The following IFFO2 variants were observed in gnomAD, a reference collection of about 807,000 sequenced individuals.
IFFO2 encodes the protein intermediate filament family orphan 2.
A neutral mutation model predicts 53.5 loss-of-function variants in IFFO2; 19 were observed. The ratio of observed to expected loss-of-function variants is 0.36; its 90% CI spans 0.25 to 0.52. The LOEUF (loss-of-function observed/expected upper bound fraction) is 0.52, where lower values mean the gene tolerates loss of function less well. IFFO2 is among the 20% of genes least tolerant of loss of function. The pLI is 0.94. For synonymous variants in IFFO2, 303 were observed against 313.6 expected (o/e 0.97, Z 0.36); for missense variants, 570 against 727.4 (o/e 0.78, Z 2.49).
chr1:18,941,883 A>T (rs750837359), intron 1 of IFFO2, among the ~76,000 whole-genome samples: 1 of 152,076 alleles, frequency 6.6e-6, no homozygotes, highest in Non-Finnish European at 1.5e-5. Context: ...ACATTCCATC[A>T]GGCCCTCCTA....
rs756160453 is a variant in IFFO2 at position 18,921,042 on chromosome 1, G to A, written c.726+19C>T. On this transcript the variant is annotated intron_variant, in intron 2 of 8. Coordinates refer to ENST00000455833, the MANE Select transcript of IFFO2 (RefSeq NM_001136265.2). ...TCTCTGGCGTGCCTCTCCTGGTCGG[G>A]ATATCGGAGGGCTCTTACCTCCTGC... 6.4e-7 allele frequency: 1 copy of A among 1,551,006 alleles called. No homozygotes were observed. The highest frequency in any genetic ancestry group is 1.2e-5 in the South Asian group (1 of 84,052).
rs950838051 is a variant in IFFO2 at position 18,916,144 on chromosome 1, A to G, written c.1103+759T>C. 1.3e-5 allele frequency among the ~76,000 whole-genome samples: 2 copies of G among 152,066 alleles called. No homozygotes were observed. Among genetic ancestry groups the G allele is most frequent in the Non-Finnish European group, 2.9e-5 (2 of 67,996 alleles). On this transcript the variant is annotated intron_variant, in intron 5 of 8. Transcript: ENST00000455833. This position sits in a 1 kb window ranked among gnomAD's most constrained non-coding sequence, Gnocchi z 4.3. Reference sequence around the variant, plus strand: ...TCTCAAAAAAAAAAATAGCCTACAAATAAGACCACATCTGCCATTGCCCCT... The same window carrying G: ...TCTCAAAAAAAAAAATAGCCTACAAGTAAGACCACATCTGCCATTGCCCCT...
At chr1:18,911,689 C>G (rs979807495) in intron 6 of IFFO2, among the ~76,000 whole-genome samples, 4 of 152,106 alleles carry the variant, frequency 2.6e-5, no homozygotes, top group African/African-American at 7.2e-5. Context: ...CAGGTGCCCA[C>G]CACCAGGCCT....
rs191204462 is a variant in IFFO2 at position 18,952,466 on chromosome 1, C to A, written c.665+3202G>T. On this transcript the variant is annotated intron_variant, in intron 1 of 8. Coordinates refer to ENST00000455833, the MANE Select transcript of IFFO2 (RefSeq NM_001136265.2). ...TTTTAAATTTAAAATACATTGAATACCTGGGTGGATTCATAAACACAATAT... is the reference window on the plus strand; with the variant it reads ...TTTTAAATTTAAAATACATTGAATAACTGGGTGGATTCATAAACACAATAT... Among the ~76,000 whole-genome samples the A allele has an allele frequency of 1.1e-3, 164 of 152,234 alleles. 1 individual carries two copies. Among genetic ancestry groups the A allele is most frequent in the African/African-American group, 3.9e-3 (160 of 41,518 alleles).
chr1:18,925,996 ATGGAT>A (rs1557643248), intron 1 of IFFO2, among the ~76,000 whole-genome samples: 74 of 84,720 alleles, frequency 8.7e-4, no homozygotes, highest in African/African-American at 3.9e-3. Context: ...GGATGGATGG[ATGGAT>A]TGGTTGGATG....
In IFFO2 at chr1:18,947,330, G is replaced by GC. The variant is rs1243941907; in HGVS notation, c.665+8337_665+8338insG. Among the ~76,000 whole-genome samples, 24 of 152,336 alleles carry GC rather than the reference G, an allele frequency of 1.6e-4. No individual in the cohort carries two copies. The highest frequency in any genetic ancestry group is 5.5e-4 in the African/African-American group (23 of 41,574). ...CGTGGATGAGAACCTCGGGCTGGCT[G>GC]TGCCCTGAGGACACTCAGGGGCCGG... On this transcript the variant is annotated intron_variant, in intron 1 of 8. Transcript: ENST00000455833. The surrounding 1 kb of genome is among the most constrained non-coding windows in gnomAD (Gnocchi z 5.0).
chr1:18,918,254 G>A lies in IFFO2; in HGVS notation c.963+108C>T. The A allele has an allele frequency of 9.6e-7, 1 of 1,038,166 alleles. No homozygotes were observed. Among genetic ancestry groups the A allele is most frequent in the East Asian group, 2.6e-5 (1 of 38,164 alleles). 64.3% of individuals were successfully genotyped at this position (1,038,166 alleles called of 1,614,324 possible). ...TAGTGCTACCTCTCGGGGAAGGGGAGGGAGTGAGTGGGATGTGGAGGCAAA... is the reference window on the plus strand; with the variant it reads ...TAGTGCTACCTCTCGGGGAAGGGGAAGGAGTGAGTGGGATGTGGAGGCAAA... On this transcript the variant is annotated intron_variant, in intron 4 of 8. Coordinates refer to ENST00000455833, the MANE Select transcript of IFFO2 (RefSeq NM_001136265.2). The surrounding 1 kb of genome is among the most constrained non-coding windows in gnomAD (Gnocchi z 5.2).
At chr1:18,955,497 G>A (rs537971131) in intron 1 of IFFO2, among the ~76,000 whole-genome samples, 171 bp downstream of exon 1, 2 of 152,318 alleles carry the variant, frequency 1.3e-5, no homozygotes, top group African/African-American at 4.8e-5. Context: ...CCCATCCTGG[G>A]ATCTAGATAA....
chr1:18,942,206 C>A (rs1036121575), intron 1 of IFFO2, among the ~76,000 whole-genome samples: 1 of 152,156 alleles, frequency 6.6e-6, no homozygotes, highest in African/African-American at 2.4e-5. Flanking sequence ...TCCTTATCTC[C>A]GGGGTAAGCC....
At chr1:18,915,096 A>T (rs541689813) in intron 5 of IFFO2, among the ~76,000 whole-genome samples, 1 of 152,222 alleles carries the variant, frequency 6.6e-6, no homozygotes, top group African/African-American at 2.4e-5. Flanking sequence ...AGAAGAGAGA[A>T]TTCTCTTCCA....
intron 5 of IFFO2, among the ~76,000 whole-genome samples, chr1:18,913,528 T>G (rs1019582060): frequency 6.6e-6 from 1 of 152,232 alleles, no homozygotes; most frequent in Non-Finnish European, 1.5e-5. Context: ...AGGAGGAGCC[T>G]TGGCCCCAGC....
Position 18,955,937 on chromosome 1 carries a change from G to C in IFFO2, c.396C>G (p.Gly132=). Residue 132 remains glycine, a synonymous_variant, in exon 1 of 9, where the codon GGC becomes GGG. Coordinates refer to ENST00000455833, the MANE Select transcript of IFFO2 (RefSeq NM_001136265.2). ...GHGLSSGAAA[G]ANANAVALGG... is the part of the protein sequence containing the mutation. ...CCAGGGCCACGGCATTGGCGTTGGC[G>C]CCGGCCGCCGCGCCACTGCTGAGGC... The C allele has an allele frequency of 7.9e-7, 1 of 1,266,504 alleles. No homozygotes were observed. The highest frequency in any genetic ancestry group is 9.9e-7 in the Non-Finnish European group (1 of 1,011,284). 78.5% of individuals were successfully genotyped at this position (1,266,504 alleles called of 1,614,324 possible).
intron 5 of IFFO2, among the ~76,000 whole-genome samples, chr1:18,912,800 A>G (rs1276144690): frequency 6.6e-6 from 1 of 152,168 alleles, no homozygotes; most frequent in Non-Finnish European, 1.5e-5. Flanking sequence ...AGACCAATAC[A>G]TGCTGGAAAT....
In IFFO2 at chr1:18,917,802, C is replaced by T. The variant is rs1013602700; in HGVS notation, c.963+560G>A. ...ACAGCCTCACTGGCGCTAACCTGAT[C>T]GCCGTCTCTCGGGGGCACCCACACT... On this transcript the variant is annotated intron_variant, in intron 4 of 8. Transcript: ENST00000455833. The surrounding 1 kb of genome is among the most constrained non-coding windows in gnomAD (Gnocchi z 5.9). 3.9e-5 allele frequency among the ~76,000 whole-genome samples: 6 copies of T among 152,154 alleles called. No individual in the cohort carries two copies. The highest frequency in any genetic ancestry group is 7.2e-5 in the African/African-American group (3 of 41,432).
chr1:18,918,508 G>A lies in IFFO2; in HGVS notation c.823-6C>T, dbSNP rs915632123. Reference sequence around the variant, plus strand: ...GTGTCCAGGTCTGTCATGGGCTGCAGGGAGGACAGCAGGGTTTACATGAGC... The same window carrying A: ...GTGTCCAGGTCTGTCATGGGCTGCAAGGAGGACAGCAGGGTTTACATGAGC... On this transcript the variant is annotated splice_polypyrimidine_tract_variant and splice_region_variant and intron_variant, in intron 3 of 8. Coordinates refer to ENST00000455833, the MANE Select transcript of IFFO2 (RefSeq NM_001136265.2). This position sits in a 1 kb window ranked among gnomAD's most constrained non-coding sequence, Gnocchi z 5.2. The A allele has an allele frequency of 1.3e-6, 2 of 1,552,376 alleles. No homozygotes were observed. The highest frequency in any genetic ancestry group is 1.7e-6 in the Non-Finnish European group (2 of 1,147,268).
chr1:18,952,340 C>T (rs1460366027), intron 1 of IFFO2, among the ~76,000 whole-genome samples: 2 of 152,130 alleles, frequency 1.3e-5, no homozygotes, highest in African/African-American at 2.4e-5. Context: ...AGGACCCAGG[C>T]ACCCCAGGCC....
At chr1:18,954,662 G>A (rs1032233040) in intron 1 of IFFO2, among the ~76,000 whole-genome samples, 9 of 152,252 alleles carry the variant, frequency 5.9e-5, no homozygotes, top group Non-Finnish European at 1.0e-4. Flanking sequence ...ATGGGAAGAG[G>A]AGGAGGATAG....
intron 1 of IFFO2, among the ~76,000 whole-genome samples, chr1:18,923,830 G>A (rs1936246871): frequency 6.6e-6 from 1 of 152,142 alleles, no homozygotes; most frequent in African/African-American, 2.4e-5. Flanking sequence ...GGCTACAGAT[G>A]GCACTGAGTG....
rs138016867 is a variant in IFFO2 at position 18,926,095 on chromosome 1, T to C, written c.666-4974A>G. Among the ~76,000 whole-genome samples, 54 of 106,170 alleles carry C rather than the reference T, an allele frequency of 5.1e-4. No individual in the cohort carries two copies. The East Asian group carries it at 5.6e-3, about 11-fold the overall frequency. 69.7% of individuals were successfully genotyped at this position (106,170 alleles called of 152,430 possible). On this transcript the variant is annotated intron_variant, in intron 1 of 8. Transcript: ENST00000455833. ...ATGGATGGATGGATGGATGGATGGA[T>C]GGATGGATTGGTTGGATGGATAGAT...
Sources: gnomAD v4.1 joint callset for allele counts (sites outside exome capture counted in the v4.1 genomes callset) on GRCh38, gnomAD v4.1.1 for gene constraint, Gnocchi (gnomAD v3.1) non-coding constraint, MANE v1.5 for transcripts, NCBI Gene and HGNC (gene_info 2026-07-23, HGNC 2026-07-21) for gene names.